Variants in ZBTB20 observed in about 807,000 individuals in gnomAD.
ZBTB20 encodes the protein zinc finger and BTB domain containing 20.
A neutral mutation model predicts 56.9 loss-of-function variants in ZBTB20; 9 were observed. The observed-to-expected ratio is 0.16, with a 90% CI of 0.10 to 0.28. ZBTB20 has a LOEUF of 0.28. Ranked by LOEUF, ZBTB20 falls within the 10% of genes least tolerant of loss-of-function variation. The pLI is 1.00. For missense variants in ZBTB20, 655 were observed against 1,003.0 expected (o/e 0.65, Z 4.69); for synonymous variants, 417 against 420.7 (o/e 0.99, Z 0.11).
In ZBTB20 at chr3:114,446,164, A is replaced by G. The variant is rs550453334; in HGVS notation, c.-255+54188T>C. Among the ~76,000 whole-genome samples, 74 of 152,250 alleles carry G rather than the reference A, an allele frequency of 4.9e-4. No individual in the cohort carries two copies. The South Asian group carries it at 9.3e-3, about 19-fold the overall frequency. ...GTTGAAAGCCTGGCATCTCATCATT[A>G]CTGTTTATATGTTATAAGGTTTGCA... On this transcript the variant is annotated intron_variant, in intron 7 of 11. Coordinates refer to ENST00000675478, the MANE Select transcript of ZBTB20 (RefSeq NM_001348800.3).
intron 5 of ZBTB20, among the ~76,000 whole-genome samples, chr3:114,795,821 T>C (rs1428676264): frequency 2.6e-5 from 4 of 152,158 alleles, no homozygotes; most frequent in African/African-American, 4.8e-5. Flanking sequence ...TCTATATTTC[T>C]ACTATTAAAT....
chr3:114,910,241 A>G (rs1392145392), intron 3 of ZBTB20, among the ~76,000 whole-genome samples: 1 of 151,874 alleles, frequency 6.6e-6, no homozygotes, highest in Non-Finnish European at 1.5e-5. Context: ...TGATTCGACA[A>G]TTATAAAGAT....
intron 6 of ZBTB20, among the ~76,000 whole-genome samples, chr3:114,517,476 T>C (rs1410415101): frequency 6.6e-6 from 1 of 152,136 alleles, no homozygotes; most frequent in African/African-American, 2.4e-5. Context: ...GGTCTCATAC[T>C]AGAGGCACGT....
At chr3:114,791,211 G>A (rs1347195216) in intron 5 of ZBTB20, among the ~76,000 whole-genome samples, 1 of 152,142 alleles carries the variant, frequency 6.6e-6, no homozygotes, top group Admixed American at 6.6e-5. Context: ...TCTCCAGATA[G>A]CCCCATACTC....
rs1175911703 is a variant in ZBTB20 at position 114,351,109 on chromosome 3, T to G, written c.969A>C (p.Leu323=). Residue 323 remains leucine, a synonymous_variant, in exon 11 of 12, where the codon CTA becomes CTC. Coordinates refer to ENST00000675478, the MANE Select transcript of ZBTB20 (RefSeq NM_001348800.3). ...CCTGCTTGATGTGGATGTTGCCCAC[T>G]AGGGTCTGGATGCGCACAGGCCGGG... ...KQPRPVRIQT[L]VGNIHIKQEM... 6.2e-7 allele frequency: 1 copy of G among 1,608,532 alleles called. No individual in the cohort carries two copies. Among genetic ancestry groups the G allele is most frequent in the Non-Finnish European group, 8.5e-7 (1 of 1,179,680 alleles).
intron 2 of ZBTB20, among the ~76,000 whole-genome samples, chr3:114,980,027 G>A (rs2078266949): frequency 1.3e-5 from 2 of 151,940 alleles, no homozygotes; most frequent in South Asian, 4.1e-4. Context: ...GGTATTTCAG[G>A]TTCGCTTCTA....
At chr3:114,724,156 A>G (rs1578539093) in intron 5 of ZBTB20, among the ~76,000 whole-genome samples, 1 of 152,004 alleles carries the variant, frequency 6.6e-6, no homozygotes. Context: ...TACAGGTGTG[A>G]GCCACCGCTC....
intron 3 of ZBTB20, among the ~76,000 whole-genome samples, chr3:114,968,084 A>G (rs1338099509): frequency 6.6e-6 from 1 of 152,156 alleles, no homozygotes; most frequent in Admixed American, 6.5e-5. Context: ...ATGCATAAAC[A>G]CATTTGAATA....
chr3:114,772,525 A>G (rs1263091033), intron 5 of ZBTB20, among the ~76,000 whole-genome samples: 1 of 152,046 alleles, frequency 6.6e-6, no homozygotes, highest in Non-Finnish European at 1.5e-5. Context: ...CTCAAGCCCT[A>G]ATGGTCAACT....
chr3:114,809,770 A>G (rs2072382453), intron 4 of ZBTB20, among the ~76,000 whole-genome samples: 1 of 151,566 alleles, frequency 6.6e-6, no homozygotes, highest in African/African-American at 2.4e-5. Context: ...TACATGTCTC[A>G]TTTTTTTCTT....
intron 5 of ZBTB20, among the ~76,000 whole-genome samples, chr3:114,762,426 T>C (rs974293054): frequency 1.3e-5 from 2 of 152,166 alleles, no homozygotes; most frequent in African/African-American, 4.8e-5. Context: ...CCCATAATTC[T>C]TGACCTAAAC....
chr3:114,740,149 T>C (rs1391119152), intron 5 of ZBTB20, among the ~76,000 whole-genome samples: 1 of 152,166 alleles, frequency 6.6e-6, no homozygotes, highest in Admixed American at 6.5e-5. Context: ...GGTATTAATA[T>C]AGACATGAGA....
chr3:114,579,068 C>A (rs1446909056), intron 6 of ZBTB20, among the ~76,000 whole-genome samples: 2 of 151,456 alleles, frequency 1.3e-5, no homozygotes, highest in African/African-American at 4.8e-5. Flanking sequence ...ACTAAAAGGT[C>A]GATTTTATAT....
chr3:114,340,691 C>T (rs2079693150), intron 11 of ZBTB20, among the ~76,000 whole-genome samples: 1 of 152,190 alleles, frequency 6.6e-6, no homozygotes, highest in African/African-American at 2.4e-5. Flanking sequence ...TCCATCTCTA[C>T]CACCTCATTC....
intron 2 of ZBTB20, among the ~76,000 whole-genome samples, chr3:115,054,091 T>A (rs557919781): frequency 6.6e-6 from 1 of 152,238 alleles, no homozygotes; most frequent in Admixed American, 6.5e-5. Context: ...TTTTAACATG[T>A]GAGGCATTGA....
chr3:114,964,764 A>T (rs1457966334), intron 3 of ZBTB20, among the ~76,000 whole-genome samples: 1 of 152,168 alleles, frequency 6.6e-6, no homozygotes, highest in Non-Finnish European at 1.5e-5. Flanking sequence ...GACCGAATTA[A>T]GAATTTTCAA....
intron 7 of ZBTB20, among the ~76,000 whole-genome samples, chr3:114,432,751 T>C (rs544631134): frequency 1.4e-4 from 22 of 152,332 alleles, no homozygotes; most frequent in African/African-American, 5.1e-4. Flanking sequence ...TCACTTCCTG[T>C]GACCTAACAC....
chr3:115,036,926 G>T (rs542397012), intron 2 of ZBTB20, among the ~76,000 whole-genome samples: 8 of 152,286 alleles, frequency 5.3e-5, no homozygotes, highest in African/African-American at 1.9e-4. Flanking sequence ...CATTAGCAGA[G>T]AGCATTCTAA....
intron 1 of ZBTB20, among the ~76,000 whole-genome samples, chr3:115,108,889 G>A (rs2083797019): frequency 6.6e-6 from 1 of 152,118 alleles, no homozygotes; most frequent in South Asian, 2.1e-4. Flanking sequence ...ATGGGGAAAA[G>A]TGGCACGGAG....
Sources: allele counts gnomAD v4.1 joint callset (sites outside exome capture counted in the v4.1 genomes callset), GRCh38; gene constraint gnomAD v4.1.1; transcripts MANE v1.5; gene names NCBI Gene and HGNC (gene_info 2026-07-23, HGNC 2026-07-21).